Variants in NOL4 observed in about 807,000 individuals in gnomAD.
The protein encoded by NOL4 is nucleolar protein 4.
A neutral mutation model predicts 75.9 loss-of-function variants in NOL4; 17 were observed. The ratio of observed to expected loss-of-function variants is 0.22; its 90% CI spans 0.15 to 0.34. The LOEUF is 0.34. Ranked by LOEUF, NOL4 falls within the 10% of genes least tolerant of loss-of-function variation. NOL4 has a pLI of 1.00. For synonymous variants in NOL4, 292 were observed against 289.9 expected, an observed-to-expected ratio of 1.01 and a Z score of -0.07; for missense variants, 614 against 793.5, an observed-to-expected ratio of 0.77 and a Z score of 2.72.
At chr18:33,943,225 A>G in intron 8 of NOL4, 47 bp from the exon 9 acceptor site, 2 of 1,275,398 alleles carry the variant, frequency 1.6e-6, no homozygotes, top group Admixed American at 1.8e-5. Context: ...TAACAGTATC[A>G]TTAACAGGCC....
intron 1 of NOL4, among the ~76,000 whole-genome samples, chr18:34,210,031 A>C (rs1163226260): frequency 6.6e-6 from 1 of 152,214 alleles, no homozygotes; most frequent in Non-Finnish European, 1.5e-5. Flanking sequence ...ATGTTAATTT[A>C]AAAAGCTCTT....
At chr18:34,016,436 C>T (rs756509270) in intron 6 of NOL4, among the ~76,000 whole-genome samples, 4 of 152,144 alleles carry the variant, frequency 2.6e-5, no homozygotes, top group South Asian at 2.1e-4. Context: ...TTAGACAATC[C>T]GAAGTCCTTA....
At chr18:34,139,381 C>A (rs1441659684) in intron 1 of NOL4, among the ~76,000 whole-genome samples, 2 of 152,108 alleles carry the variant, frequency 1.3e-5, no homozygotes, top group African/African-American at 2.4e-5. Flanking sequence ...TTCAGAGATT[C>A]AACTTCTTCC....
chr18:34,023,304 A>G (rs1365890106), intron 5 of NOL4: 2 of 405,570 alleles, frequency 4.9e-6, no homozygotes, highest in East Asian at 1.5e-4. Context: ...GTTTCATGTA[A>G]TCATGTTAAC....
At chr18:34,158,349 T>C (rs1408988225) in intron 1 of NOL4, among the ~76,000 whole-genome samples, 4 of 152,176 alleles carry the variant, frequency 2.6e-5, no homozygotes, top group Non-Finnish European at 5.9e-5. Context: ...TCAGTAGAGA[T>C]GCATCTATGC....
chr18:34,072,664 C>T (rs899717361), intron 5 of NOL4, among the ~76,000 whole-genome samples: 7 of 152,076 alleles, frequency 4.6e-5, no homozygotes, highest in South Asian at 2.1e-4. Context: ...CATGTGCGCA[C>T]GAACATTTAC....
At chr18:34,212,163 G>A (rs1430053869) in intron 1 of NOL4, among the ~76,000 whole-genome samples, 2 of 152,066 alleles carry the variant, frequency 1.3e-5, no homozygotes, top group African/African-American at 4.8e-5. Flanking sequence ...GGAATATCAT[G>A]AAGTAAATAA....
chr18:34,055,905 AT>A (rs1332117829), intron 5 of NOL4, among the ~76,000 whole-genome samples: 2 of 152,074 alleles, frequency 1.3e-5, no homozygotes, highest in Non-Finnish European at 2.9e-5. Context: ...GTCTCTCTAA[AT>A]AATTTTTCAA....
chr18:33,965,303 C>T (rs1161963099), intron 6 of NOL4, among the ~76,000 whole-genome samples: 1 of 151,962 alleles, frequency 6.6e-6, no homozygotes, highest in Non-Finnish European at 1.5e-5. Context: ...AGTGAGACCT[C>T]CATCCCTAAA....
At chr18:34,180,819 A>C in intron 1 of NOL4, among the ~76,000 whole-genome samples, 1 of 151,678 alleles carries the variant, frequency 6.6e-6, no homozygotes, top group Non-Finnish European at 1.5e-5. Flanking sequence ...CTAAGAAAGC[A>C]ATCTATTTTA....
chr18:33,941,519 C>G (rs561190572), intron 9 of NOL4, among the ~76,000 whole-genome samples: 36 of 151,912 alleles, frequency 2.4e-4, no homozygotes, highest in African/African-American at 7.7e-4. Flanking sequence ...ATGCCTGCTT[C>G]TAGTTAACTG....
At chr18:34,181,606 T>C (rs562958623) in intron 1 of NOL4, among the ~76,000 whole-genome samples, 16 of 151,438 alleles carry the variant, frequency 1.1e-4, no homozygotes, top group Non-Finnish European at 1.5e-4. Context: ...TGCATATAAA[T>C]AACACTATCA....
intron 1 of NOL4, among the ~76,000 whole-genome samples, chr18:34,181,685 C>T (rs2034050654): frequency 6.6e-6 from 1 of 151,264 alleles, no homozygotes; most frequent in African/African-American, 2.4e-5. Flanking sequence ...GGGTCTAATT[C>T]TAGATTACAT....
At chr18:34,008,362 T>C (rs1021476209) in intron 6 of NOL4, among the ~76,000 whole-genome samples, 2 of 133,236 alleles carry the variant, frequency 1.5e-5, no homozygotes, top group Non-Finnish European at 3.2e-5. Flanking sequence ...TATCACTTTC[T>C]ATCTGTCTGT....
At chr18:34,164,408 CAA>C (rs2032019880) in intron 1 of NOL4, among the ~76,000 whole-genome samples, 1 of 152,076 alleles carries the variant, frequency 6.6e-6, no homozygotes, top group South Asian at 2.1e-4. Flanking sequence ...AAAAAACAAA[CAA>C]TCCCATCAAA....
chr18:33,935,718 C>T, intron 9 of NOL4, among the ~76,000 whole-genome samples: 1 of 152,064 alleles, frequency 6.6e-6, no homozygotes, highest in South Asian at 2.1e-4. Flanking sequence ...TTTGTAAAAA[C>T]TGCAATATCT....
At chr18:33,858,129 T>C (rs1295694379) in intron 10 of NOL4, among the ~76,000 whole-genome samples, 1 of 152,080 alleles carries the variant, frequency 6.6e-6, no homozygotes, top group East Asian at 1.9e-4. Flanking sequence ...ATATTTCAAT[T>C]TCCTCAAGCT....
At chr18:33,872,086 T>G (rs1260036978) in intron 10 of NOL4, among the ~76,000 whole-genome samples, 1 of 152,062 alleles carries the variant, frequency 6.6e-6, no homozygotes, top group African/African-American at 2.4e-5. Flanking sequence ...TATAAATAAT[T>G]CACAATATCA....
chr18:33,932,289 T>C (rs1476983474), intron 9 of NOL4, among the ~76,000 whole-genome samples: 1 of 152,120 alleles, frequency 6.6e-6, no homozygotes. Flanking sequence ...AGGTAGGGCA[T>C]TTCAAGGTAA....
Sources: allele counts gnomAD v4.1 joint callset (sites outside exome capture counted in the v4.1 genomes callset), GRCh38; gene constraint gnomAD v4.1.1; transcripts MANE v1.5; gene names NCBI Gene and HGNC (gene_info 2026-07-23, HGNC 2026-07-21).